PCDHA6: variants seen among roughly 807,000 people sequenced by gnomAD.
PCDHA6 encodes the protein protocadherin alpha 6.
Under a neutral mutation model 60.3 loss-of-function variants are expected in PCDHA6, and 55 were observed. The observed-to-expected ratio is 0.91, with a 90% confidence interval of 0.73 to 1.14. The LOEUF (loss-of-function observed/expected upper bound fraction) is 1.14, where lower values mean the gene tolerates loss of function less well. Ranked by LOEUF, PCDHA6 falls within the 50% of genes most tolerant of loss-of-function variation. The pLI is 0.00. For missense variants in PCDHA6, 1,327 were observed against 1,256.5 expected (o/e 1.06, Z -0.85); for synonymous variants, 652 against 557.9 (o/e 1.17, Z -2.38).
chr5:140,874,630 G>A (rs1299205823), intron 1 of PCDHA6, among the ~76,000 whole-genome samples: 2 of 152,212 alleles, frequency 1.3e-5, no homozygotes, highest in Non-Finnish European at 2.9e-5. Context: ...TTACATTAAA[G>A]TGCTTTACTT....
chr5:141,007,315 C>T (rs1207897662), intron 3 of PCDHA6, among the ~76,000 whole-genome samples: 1 of 148,308 alleles, frequency 6.7e-6, no homozygotes, highest in Non-Finnish European at 1.5e-5. Flanking sequence ...TTTTGGGAGG[C>T]TAAAGTGGAC....
intron 1 of PCDHA6, chr5:140,841,097 A>T (rs1777008078): frequency 3.5e-6 from 2 of 570,202 alleles, no homozygotes; most frequent in Non-Finnish European, 6.1e-6. Context: ...GAACCCAGAT[A>T]TTGCGGAAGT....
chr5:140,923,019 C>T (rs540025993), intron 1 of PCDHA6, among the ~76,000 whole-genome samples: 4 of 152,168 alleles, frequency 2.6e-5, no homozygotes, highest in South Asian at 2.1e-4. Context: ...ACTGCAGTTT[C>T]GGACTCTATT....
intron 1 of PCDHA6, chr5:140,864,839 G>T (rs1335962458): frequency 6.6e-6 from 1 of 152,156 alleles, no homozygotes; most frequent in African/African-American, 2.4e-5. Flanking sequence ...GTATAAGAGA[G>T]TCTTCCCATA....
At position 141,011,912 on chromosome 5, in the gene PCDHA6, T is replaced by C. The variant is rs573561005; in HGVS notation, c.*1975T>C. ...ATTATATTATCTATTTAGGCATTAA[T>C]ATAAAAGAGGTAGGAGTCTGTTATT... On this transcript the variant is annotated 3_prime_UTR_variant, in exon 4 of 4. Coordinates refer to ENST00000529310, the MANE Select transcript of PCDHA6 (RefSeq NM_018909.4). 4 of 153,808 alleles carry C rather than the reference T, an allele frequency of 2.6e-5. No individual in the cohort carries two copies. In the South Asian group the frequency reaches 8.3e-4, roughly 32 times the overall value. 9.5% of individuals were successfully genotyped at this position (153,808 alleles called of 1,614,324 possible).
At chr5:140,990,772 C>T (rs1554251728) in intron 3 of PCDHA6, among the ~76,000 whole-genome samples, 1 of 152,164 alleles carries the variant, frequency 6.6e-6, no homozygotes, top group African/African-American at 2.4e-5. Context: ...AAATTTGGCT[C>T]TGTGTTGGAC....
intron 1 of PCDHA6, chr5:140,927,285 G>T: frequency 1.9e-6 from 3 of 1,614,154 alleles, no homozygotes; most frequent in Non-Finnish European, 2.5e-6. Context: ...ACGTGCAGCT[G>T]CACATCCCCG....
chr5:140,875,356 G>C (rs2055432006), intron 1 of PCDHA6: 5 of 1,446,352 alleles, frequency 3.5e-6, no homozygotes, highest in Admixed American at 5.7e-5. Context: ...TGACTGTGAT[G>C]CTGGAAAAAA....
chr5:140,830,932 C>T (rs2150190420), intron 1 of PCDHA6: 7 of 152,266 alleles, frequency 4.6e-5, no homozygotes, highest in African/African-American at 1.7e-4. Flanking sequence ...TTTCTGTCGA[C>T]ACTTTTATTA....
chr5:140,902,621 TATTTAGTGGTG>T (rs2069605868), intron 1 of PCDHA6, among the ~76,000 whole-genome samples: 1 of 152,154 alleles, frequency 6.6e-6, no homozygotes, highest in Non-Finnish European at 1.5e-5. Context: ...ATGGGTAAGT[TATTTAGTGGTG>T]ATTTCTGAGA....
chr5:140,842,282 G>A (rs2150333421), intron 1 of PCDHA6: 1 of 1,610,576 alleles, frequency 6.2e-7, no homozygotes, highest in Admixed American at 1.7e-5. Flanking sequence ...AATCCTCATT[G>A]ACGCCACGGA....
intron 1 of PCDHA6, among the ~76,000 whole-genome samples, chr5:140,944,651 C>T (rs1554216459): frequency 6.6e-6 from 1 of 152,152 alleles, no homozygotes; most frequent in Non-Finnish European, 1.5e-5. Context: ...ATTGGGAGTC[C>T]ATACCCCTTA....
At chr5:140,968,442 T>C in intron 1 of PCDHA6, 1 of 1,614,068 alleles carries the variant, frequency 6.2e-7, no homozygotes, top group Non-Finnish European at 8.5e-7. Flanking sequence ...AGCCCACCAC[T>C]GAGCAGCACT....
At chr5:140,937,291 C>T (rs940890612) in intron 1 of PCDHA6, among the ~76,000 whole-genome samples, 1 of 152,104 alleles carries the variant, frequency 6.6e-6, no homozygotes, top group African/African-American at 2.4e-5. Flanking sequence ...CCCGCTTCGG[C>T]CTCCCAAAGT....
chr5:140,886,327 A>G (rs2060943233), intron 1 of PCDHA6, among the ~76,000 whole-genome samples: 1 of 152,162 alleles, frequency 6.6e-6, no homozygotes, highest in Admixed American at 6.5e-5. Flanking sequence ...GTTCTGGGAT[A>G]CATGTGCAGA....
At chr5:140,838,340 T>G (rs1451086818) in intron 1 of PCDHA6, among the ~76,000 whole-genome samples, 1 of 149,952 alleles carries the variant, frequency 6.7e-6, no homozygotes, top group Non-Finnish European at 1.5e-5. Context: ...CCCCGGCTGG[T>G]CTCGAAATCT....
At chr5:140,841,430 G>A in intron 1 of PCDHA6, 1 of 1,612,964 alleles carries the variant, frequency 6.2e-7, no homozygotes, top group Non-Finnish European at 8.5e-7. Flanking sequence ...CTCCGTCCCC[G>A]AGGAGGCCAA....
intron 1 of PCDHA6, chr5:140,929,129 C>T (rs1206531954): frequency 6.2e-7 from 1 of 1,614,052 alleles, no homozygotes; most frequent in South Asian, 1.1e-5. Context: ...GATGTCACTA[C>T]AGTTGAGAGA....
At chr5:140,986,231 C>A (rs2097191592) in intron 3 of PCDHA6, among the ~76,000 whole-genome samples, 1 of 152,210 alleles carries the variant, frequency 6.6e-6, no homozygotes, top group African/African-American at 2.4e-5. Context: ...AGCCTCCCCT[C>A]TGTGTGAGCA....
Sources: gnomAD v4.1 joint callset for allele counts (sites outside exome capture counted in the v4.1 genomes callset) on GRCh38, gnomAD v4.1.1 for gene constraint, MANE v1.5 for transcripts, NCBI Gene and HGNC (gene_info 2026-07-23, HGNC 2026-07-21) for gene names.